Variants in RIPOR2 observed in about 807,000 individuals in gnomAD.
RIPOR2 encodes the protein rho family-interacting cell polarization regulator 2.
Under a neutral mutation model 114.5 loss-of-function variants are expected in RIPOR2, and 39 were observed. The observed-to-expected ratio is 0.34, with a 90% CI of 0.26 to 0.44. The LOEUF (loss-of-function observed/expected upper bound fraction) is 0.44, where lower values mean the gene tolerates loss of function less well. Ranked by LOEUF, RIPOR2 falls within the 20% of genes least tolerant of loss-of-function variation. The pLI, the probability that RIPOR2 is intolerant of heterozygous loss-of-function variation, is 1.00. For missense variants in RIPOR2, 1,007 were observed against 1,255.1 expected, an observed-to-expected ratio of 0.80 and a Z score of 2.99; for synonymous variants, 445 against 484.4, an observed-to-expected ratio of 0.92 and a Z score of 1.07.
chr6:24,950,721 A>G (rs945278192), intron 1 of RIPOR2, among the ~76,000 whole-genome samples: 1 of 152,216 alleles, frequency 6.6e-6, no homozygotes, highest in African/African-American at 2.4e-5. Flanking sequence ...TACAGGGATG[A>G]CTGAACTGTT....
At position 24,850,791 on chromosome 6, in the gene RIPOR2, A is replaced by G. The variant is rs1347492558; in HGVS notation, c.760-69T>C. ...TCTTCTCCACCAGAACACCAAGATC[A>G]AAAGGAGAAAGACCTAAAGCCACTG... On this transcript the variant is annotated intron_variant, in intron 9 of 21. Transcript: ENST00000643898. 4.4e-6 allele frequency: 7 copies of G among 1,577,916 alleles called. No homozygotes were observed. The East Asian group carries it at 1.6e-4, about 35-fold the overall frequency.
In RIPOR2 at chr6:25,031,708, T is replaced by G. The variant is rs1396055454; in HGVS notation, c.76+10143A>C. ...GTGATGTAGGTGGTAGTTATATATATATATATATATATATATATATATATA... is the reference window on the plus strand; with the variant it reads ...GTGATGTAGGTGGTAGTTATATATAGATATATATATATATATATATATATA... On this transcript the variant is annotated intron_variant, in intron 1 of 13. Coordinates refer to the RIPOR2 transcript ENST00000510784. 6.8e-3 allele frequency among the ~76,000 whole-genome samples: 69 copies of G among 10,146 alleles called. 2 individuals carry two copies. Among genetic ancestry groups the G allele is most frequent in the African/African-American group, 0.023 (69 of 2,954 alleles). 6.7% of individuals were successfully genotyped at this position (10,146 alleles called of 152,430 possible).
intron 19 of RIPOR2, among the ~76,000 whole-genome samples, chr6:24,820,869 C>CTTTTTTTTTTTT (rs34770819): frequency 1.2e-5 from 1 of 84,064 alleles, no homozygotes; most frequent in Non-Finnish European, 2.2e-5. Flanking sequence ...GTTTAACACT[C>CTTTTTTTTTTTT]TTTTTTTTTT....
In RIPOR2 at chr6:24,873,790, G is replaced by A; in HGVS notation, c.198C>T (p.Ser66=). 1 of 1,611,108 alleles carries A rather than the reference G, an allele frequency of 6.2e-7. No individual in the cohort carries two copies. Among genetic ancestry groups the A allele is most frequent in the East Asian group, 2.2e-5 (1 of 44,852 alleles). ...GLQERRSRCN[S]FIENSSALKK... is the part of the protein sequence containing the mutation. ...TGAGAGCGGAGGAATTTTCAATGAA[G>A]GAGTTACACCTATGGAAAGAACAGA... is the stretch of plus-strand genomic sequence containing the variant. Residue 66 remains serine, a synonymous_variant, in exon 3 of 22, where the codon TCC becomes TCT. Transcript: ENST00000643898.
intron 1 of RIPOR2, among the ~76,000 whole-genome samples, chr6:24,921,366 G>A (rs1331257423): frequency 6.7e-6 from 1 of 150,242 alleles, no homozygotes; most frequent in Admixed American, 6.7e-5. Flanking sequence ...GTTTCACTAT[G>A]TTGGCCAGGC....
At chr6:24,852,016 C>G (rs573831443) in intron 9 of RIPOR2, among the ~76,000 whole-genome samples, 4 of 134,260 alleles carry the variant, frequency 3.0e-5, no homozygotes, top group Admixed American at 7.7e-5. Flanking sequence ...CTTTGGGAGG[C>G]CGAAGGGTGG....
chr6:24,877,291 G>GT (rs1336364334), intron 1 of RIPOR2: 2 of 985,248 alleles, frequency 2.0e-6, no homozygotes, highest in African/African-American at 3.5e-5. Context: ...GTTGCTGCAG[G>GT]TTTTTAAATC....
At chr6:25,010,213 C>T (rs1381019311) in intron 1 of RIPOR2, among the ~76,000 whole-genome samples, 1 of 152,106 alleles carries the variant, frequency 6.6e-6, no homozygotes, top group Non-Finnish European at 1.5e-5. Context: ...GGGACAGATC[C>T]CTCATGAACA....
intron 1 of RIPOR2, among the ~76,000 whole-genome samples, chr6:24,927,921 A>G (rs1311828960): frequency 6.6e-6 from 1 of 152,212 alleles, no homozygotes; most frequent in African/African-American, 2.4e-5. Flanking sequence ...CAATGGCTTC[A>G]GAATTTCTGT....
At chr6:25,018,508 C>A (rs1431469652) in intron 1 of RIPOR2, among the ~76,000 whole-genome samples, 5 of 152,102 alleles carry the variant, frequency 3.3e-5, no homozygotes. Flanking sequence ...GCTCCTTAAC[C>A]AATTGTTTGA....
intron 1 of RIPOR2, among the ~76,000 whole-genome samples, chr6:24,944,100 G>T (rs989526507): frequency 6.6e-6 from 1 of 152,258 alleles, no homozygotes; most frequent in Non-Finnish European, 1.5e-5. Context: ...ATATTCCTGG[G>T]AATCTAGAAG....
intron 1 of RIPOR2, among the ~76,000 whole-genome samples, chr6:25,017,501 T>C (rs988797560): frequency 1.3e-5 from 2 of 152,242 alleles, no homozygotes; most frequent in African/African-American, 4.8e-5. Context: ...ACTTTTGGTA[T>C]GTATTCAAAT....
chr6:25,032,447 AGGCACCCCTGGAGCCAACCCTTGATG>A (rs1168663952), intron 1 of RIPOR2, among the ~76,000 whole-genome samples: 2 of 152,172 alleles, frequency 1.3e-5, no homozygotes, highest in Non-Finnish European at 2.9e-5. Flanking sequence ...CTCAGAAACC[AGGCACCCCTGGAGCCAACCCTTGATG>A]GGATTGGAAA....
chr6:24,837,314 G>A (rs901068983), intron 14 of RIPOR2, among the ~76,000 whole-genome samples: 2 of 151,720 alleles, frequency 1.3e-5, no homozygotes, highest in Admixed American at 6.6e-5. Context: ...GTAGAGACGG[G>A]GTTTCACCAT....
rs150792424 is a variant in RIPOR2, at chr6:25,014,499, A to G, written c.76+27352T>C. On this transcript the variant is annotated intron_variant, in intron 1 of 13. Coordinates refer to the RIPOR2 transcript ENST00000510784. ...GCTATTTCGAAATAGAGCCAACTAA[A>G]GATTGCACATGATTCTGGAAACAGG... Among the ~76,000 whole-genome samples, 572 of 152,380 alleles carry G rather than the reference A, an allele frequency of 3.8e-3. 1 individual carries two copies. Among genetic ancestry groups the G allele is most frequent in the African/African-American group, 0.013 (537 of 41,584 alleles).
At chr6:24,899,976 G>T (rs933579446) in intron 1 of RIPOR2, among the ~76,000 whole-genome samples, 3 of 152,168 alleles carry the variant, frequency 2.0e-5, no homozygotes, top group African/African-American at 4.8e-5. Flanking sequence ...GAACCTTTCA[G>T]ATGGAGGATG....
chr6:24,921,658 C>G (rs902165866), intron 1 of RIPOR2, among the ~76,000 whole-genome samples: 7 of 151,528 alleles, frequency 4.6e-5, no homozygotes, highest in Non-Finnish European at 8.8e-5. Context: ...ATCGCCCCCC[C>G]CGACCCTGAT....
intron 7 of RIPOR2, among the ~76,000 whole-genome samples, chr6:24,862,139 A>AAT (rs1764126969): frequency 6.6e-6 from 1 of 152,248 alleles, no homozygotes; most frequent in African/African-American, 2.4e-5. Flanking sequence ...TGAGGACCTA[A>AAT]ATAGAACAAT....
chr6:24,809,668 G>T, intron 21 of RIPOR2, 49 bp downstream of exon 21: 1 of 1,222,420 alleles, frequency 8.2e-7, no homozygotes, highest in South Asian at 1.3e-5. Context: ...ACATCCGTTA[G>T]AGAGTGCCAG....
Sources: gnomAD v4.1 joint callset for allele counts (sites outside exome capture counted in the v4.1 genomes callset) on GRCh38, gnomAD v4.1.1 for gene constraint, MANE v1.5 for transcripts, NCBI Gene and HGNC (gene_info 2026-07-23, HGNC 2026-07-21) for gene names.